FER: variants seen among roughly 807,000 people sequenced by gnomAD.
FER encodes the protein FER tyrosine kinase.
Under a neutral mutation model 111.0 loss-of-function variants are expected in FER, and 63 were observed. The ratio of observed to expected loss-of-function variants is 0.57; its 90% CI spans 0.46 to 0.70. The LOEUF (loss-of-function observed/expected upper bound fraction) is 0.70. Ranked by LOEUF, FER falls within the 30% of genes least tolerant of loss-of-function variation. The pLI is 0.00. For synonymous variants in FER, 327 were observed against 313.9 expected, an observed-to-expected ratio of 1.04 and a Z score of -0.44; for missense variants, 914 against 954.0, an observed-to-expected ratio of 0.96 and a Z score of 0.55.
chr5:109,132,897 G>T (rs893698980), intron 17 of FER, among the ~76,000 whole-genome samples: 4 of 152,180 alleles, frequency 2.6e-5, no homozygotes, highest in African/African-American at 9.6e-5. Flanking sequence ...ATCAGGAGCA[G>T]AGACTGAATG....
intron 5 of FER, among the ~76,000 whole-genome samples, chr5:108,845,067 T>TACACATATATATATATATACACACAC (rs1761888097): frequency 1.9e-5 from 1 of 53,856 alleles, no homozygotes; most frequent in Non-Finnish European, 3.5e-5. Context: ...TATATATATA[T>TACACATATATATATATATACACACAC]ACACACACAC....
intron 13 of FER, among the ~76,000 whole-genome samples, chr5:108,967,301 A>G (rs531262769): frequency 6.6e-6 from 1 of 152,272 alleles, no homozygotes; most frequent in South Asian, 2.1e-4. Flanking sequence ...CAGAGAGGGG[A>G]CATGAGAGTG....
intron 1 of FER, among the ~76,000 whole-genome samples, chr5:108,755,962 G>A (rs1334487290): frequency 1.3e-3 from 194 of 150,116 alleles, no homozygotes; most frequent in African/African-American, 4.2e-3. Context: ...GACCAGCCTG[G>A]CCAACATGGT....
intron 17 of FER, among the ~76,000 whole-genome samples, chr5:109,133,374 A>C (rs1198762123): frequency 6.6e-6 from 1 of 152,222 alleles, no homozygotes; most frequent in East Asian, 1.9e-4. Context: ...AAAAACAAGT[A>C]AAGTAACAGC....
chr5:108,813,556 A>G (rs1343611878), intron 3 of FER, among the ~76,000 whole-genome samples: 5 of 151,984 alleles, frequency 3.3e-5, no homozygotes, highest in South Asian at 2.1e-4. Flanking sequence ...ACAGTTTACT[A>G]TGCTGTATTT....
chr5:109,166,719 A>C (rs752197257), intron 17 of FER, among the ~76,000 whole-genome samples: 13 of 152,156 alleles, frequency 8.5e-5, no homozygotes, highest in Non-Finnish European at 1.6e-4. Flanking sequence ...AGCTTCAGTC[A>C]TTGGTAGCCT....
At chr5:108,978,263 AT>A (rs2149714721) in intron 13 of FER, among the ~76,000 whole-genome samples, 1 of 152,306 alleles carries the variant, frequency 6.6e-6, no homozygotes, top group East Asian at 1.9e-4. Context: ...TTACTCATTG[AT>A]CAGGTTGATA....
rs1202864653 is a variant in FER, at chr5:108,832,886, G to T, written c.324G>T (p.Gln108His). The change falls in exon 4 of 20, where the codon CAG (glutamine) becomes CAT (histidine). Residue 108 changes from glutamine (Q) to histidine (H), a missense_variant. Gln to His is a conservative substitution (Grantham distance 24, BLOSUM62 0). Around this residue, in one of 3 missense-constraint regions of FER, gnomAD observed 774 missense variants for 782.6 expected, o/e 0.99. Coordinates refer to ENST00000281092, the MANE Select transcript of FER (RefSeq NM_005246.4). Reference sequence around the variant, plus strand: ...TCACCATGATGATTAAGGACAAGCAGCAGGTGAAGAAAAGTTACATAGGTG... The same window carrying T: ...TCACCATGATGATTAAGGACAAGCATCAGGTGAAGAAAAGTTACATAGGTG... ...HRLTMMIKDK[Q>H]QVKKSYIGVH... 1 of 1,606,806 alleles carries T rather than the reference G, an allele frequency of 6.2e-7. No homozygotes were observed. The highest frequency in any genetic ancestry group is 1.1e-5 in the South Asian group (1 of 90,026).
At chr5:108,862,896 G>C (rs1216938914) in intron 5 of FER, among the ~76,000 whole-genome samples, 1 of 151,976 alleles carries the variant, frequency 6.6e-6, no homozygotes. Flanking sequence ...AGAAAAGGCA[G>C]CTTCTGTAGC....
chr5:109,112,977 C>T (rs1749803901), intron 17 of FER, among the ~76,000 whole-genome samples: 1 of 152,074 alleles, frequency 6.6e-6, no homozygotes, highest in Non-Finnish European at 1.5e-5. Context: ...ATATCCATGC[C>T]CTCTCGAGTC....
At chr5:109,134,945 A>C (rs540712345) in intron 17 of FER, among the ~76,000 whole-genome samples, 1 of 152,298 alleles carries the variant, frequency 6.6e-6, no homozygotes, top group Admixed American at 6.5e-5. Flanking sequence ...TGAGATTGTG[A>C]TCTTCGTAAG....
chr5:108,863,542 G>A (rs950255465), intron 5 of FER, among the ~76,000 whole-genome samples: 4 of 152,166 alleles, frequency 2.6e-5, no homozygotes, highest in Admixed American at 6.5e-5. Flanking sequence ...AACTGATCAT[G>A]TGGGAGGATA....
chr5:108,796,145 T>C (rs1339862442), intron 2 of FER, among the ~76,000 whole-genome samples: 1 of 152,210 alleles, frequency 6.6e-6, no homozygotes, highest in East Asian at 1.9e-4. Context: ...ACTGCCTTTG[T>C]GGTCTTGGAT....
chr5:108,993,711 T>G (rs934758371), intron 13 of FER, among the ~76,000 whole-genome samples: 20 of 151,224 alleles, frequency 1.3e-4, no homozygotes, highest in Admixed American at 1.3e-3. Context: ...TTGAGGATGG[T>G]TCTTCTGATG....
chr5:109,178,640 G>A (rs538424712), intron 17 of FER, among the ~76,000 whole-genome samples: 64 of 152,302 alleles, frequency 4.2e-4, no homozygotes, highest in African/African-American at 1.5e-3. Flanking sequence ...TCTGTTTCTA[G>A]ATCCTCTCTG....
At chr5:109,004,674 T>G (rs1305854897) in intron 13 of FER, among the ~76,000 whole-genome samples, 2 of 152,208 alleles carry the variant, frequency 1.3e-5, no homozygotes, top group African/African-American at 4.8e-5. Flanking sequence ...AAAATTTACA[T>G]TACAGAGCAT....
chr5:109,148,647 C>G (rs1046186189), intron 17 of FER, among the ~76,000 whole-genome samples: 29 of 152,170 alleles, frequency 1.9e-4, no homozygotes, highest in African/African-American at 6.8e-4. Flanking sequence ...AAGTTTTTCA[C>G]TAAAAGTGGT....
At chr5:109,115,241 G>A (rs536703490) in intron 17 of FER, among the ~76,000 whole-genome samples, 7 of 152,194 alleles carry the variant, frequency 4.6e-5, no homozygotes, top group African/African-American at 1.7e-4. Flanking sequence ...GGCAAAAGAT[G>A]AGAAAGGCCT....
At chr5:108,829,638 C>CA (rs1259733827) in intron 3 of FER, among the ~76,000 whole-genome samples, 2 of 151,680 alleles carry the variant, frequency 1.3e-5, no homozygotes, top group Non-Finnish European at 2.9e-5. Flanking sequence ...GACCCTGTCT[C>CA]AAAAAAAACT....
Sources: gnomAD v4.1 joint callset for allele counts (sites outside exome capture counted in the v4.1 genomes callset) on GRCh38, gnomAD v4.1.1 for gene constraint, gnomAD v4.1.1 regional missense constraint, MANE v1.5 for transcripts, NCBI Gene and HGNC (gene_info 2026-07-23, HGNC 2026-07-21) for gene names.